The following PAX7 variants were observed in gnomAD, a reference collection of about 807,000 sequenced individuals.
PAX7 encodes paired box 7.
A neutral mutation model predicts 50.7 loss-of-function variants in PAX7; 18 were observed. That is an observed-to-expected ratio of 0.36 (90% CI 0.25 to 0.53). PAX7 has a LOEUF of 0.53. Among genes scored for constraint, PAX7 ranks in the 20% least tolerant of loss-of-function variants. The pLI is 0.93. For missense variants in PAX7, 644 were observed against 702.9 expected, an observed-to-expected ratio of 0.92 and a Z score of 0.95; for synonymous variants, 310 against 290.4, an observed-to-expected ratio of 1.07 and a Z score of -0.69.
At chr1:18,679,508 C>G (rs1272963678) in intron 4 of PAX7, among the ~76,000 whole-genome samples, 1 of 152,154 alleles carries the variant, frequency 6.6e-6, no homozygotes, top group East Asian at 1.9e-4. Flanking sequence ...TGCTCTTTCC[C>G]CTCTGCTGAT....
chr1:18,678,993 G>A (rs1448146060), intron 4 of PAX7, among the ~76,000 whole-genome samples: 1 of 152,194 alleles, frequency 6.6e-6, no homozygotes, highest in Non-Finnish European at 1.5e-5. Flanking sequence ...TTTCACACCT[G>A]TAAAATGGGG....
intron 4 of PAX7, among the ~76,000 whole-genome samples, chr1:18,664,098 C>A (rs1178372053): frequency 6.6e-6 from 1 of 152,242 alleles, no homozygotes; most frequent in Non-Finnish European, 1.5e-5. Context: ...AAGATTGGGA[C>A]CTGGAGCTGA....
chr1:18,641,138 A>G (rs1370045927), intron 4 of PAX7, among the ~76,000 whole-genome samples: 1 of 152,290 alleles, frequency 6.6e-6, no homozygotes, highest in East Asian at 1.9e-4. Context: ...ACTGTTTGCT[A>G]GATAAACTCG....
At chr1:18,725,317 C>CCA (rs148441208) in intron 7 of PAX7, among the ~76,000 whole-genome samples, 54,998 of 138,518 alleles carry the variant, frequency 0.4, 12,514 homozygotes, top group Middle Eastern at 0.55. Flanking sequence ...CCCCCCGCCC[C>CCA]ACCAACACCG....
chr1:18,698,387 A>G (rs890450703), intron 5 of PAX7, among the ~76,000 whole-genome samples: 1 of 152,104 alleles, frequency 6.6e-6, no homozygotes, highest in African/African-American at 2.4e-5. Flanking sequence ...TGCATTCAGA[A>G]GGGAGATTGG....
At chr1:18,671,131 G>A (rs547021933) in intron 4 of PAX7, among the ~76,000 whole-genome samples, 72 of 152,302 alleles carry the variant, frequency 4.7e-4, no homozygotes, top group African/African-American at 1.7e-3. Flanking sequence ...AAGCTGTGGG[G>A]CAGGAAGGCA....
intron 4 of PAX7, among the ~76,000 whole-genome samples, chr1:18,667,538 C>T (rs1052351906): frequency 2.0e-5 from 3 of 151,908 alleles, no homozygotes; most frequent in Non-Finnish European, 2.9e-5. Context: ...AACTACGGAG[C>T]GCCAGGAGGA....
rs1416924724 is a variant in PAX7 at position 18,635,123 on chromosome 1, C to T, written c.334C>T (p.Pro112Ser). The T allele has an allele frequency of 6.2e-7, 1 of 1,613,756 alleles. No homozygotes were observed. Among genetic ancestry groups the T allele is most frequent in the Non-Finnish European group, 8.5e-7 (1 of 1,179,792 alleles). Residue 112 changes from proline to serine, a missense_variant, in exon 3 of 9, where the codon CCG becomes TCG. By Grantham distance (74) the Pro-to-Ser change is moderately conservative. Transcript: ENST00000420770. ...TCCACCTCTGAAGCAGGTGGCGACTCCGGATGTAGAGAAAAAGATTGAGGA... is the reference window on the plus strand; with the variant it reads ...TCCACCTCTGAAGCAGGTGGCGACTTCGGATGTAGAGAAAAAGATTGAGGA... ...GGSKPRQVAT[P>S]DVEKKIEEYK...
chr1:18,730,912 G>A (rs1255814309), intron 7 of PAX7, among the ~76,000 whole-genome samples: 12 of 151,896 alleles, frequency 7.9e-5, no homozygotes, highest in Non-Finnish European at 1.3e-4. Flanking sequence ...GGTTGGGGGT[G>A]GGGTAGGGGC....
intron 4 of PAX7, among the ~76,000 whole-genome samples, chr1:18,691,299 A>T (rs917751017): frequency 2.0e-5 from 3 of 152,104 alleles, no homozygotes; most frequent in Admixed American, 6.5e-5. Flanking sequence ...TAAAGTCAGG[A>T]TTATTGAGGT....
intron 4 of PAX7, among the ~76,000 whole-genome samples, chr1:18,663,869 G>A (rs2100211858): frequency 6.6e-6 from 1 of 152,352 alleles, no homozygotes; most frequent in South Asian, 2.1e-4. Flanking sequence ...CTTTAACATA[G>A]CCTTGAAGTT....
chr1:18,742,148 C>A, intron 8 of PAX7, among the ~76,000 whole-genome samples: 1 of 103,574 alleles, frequency 9.7e-6, no homozygotes, highest in Admixed American at 1.1e-4. Flanking sequence ...AATGAGGCTT[C>A]TTTTTTTTTT....
At chr1:18,688,243 A>G (rs558037671) in intron 4 of PAX7, among the ~76,000 whole-genome samples, 3 of 152,220 alleles carry the variant, frequency 2.0e-5, no homozygotes, top group African/African-American at 4.8e-5. Flanking sequence ...AACCATAAAA[A>G]CCATAAATAG....
chr1:18,723,763 A>G (rs1045630047), intron 7 of PAX7, among the ~76,000 whole-genome samples: 1 of 152,172 alleles, frequency 6.6e-6, no homozygotes, highest in Non-Finnish European at 1.5e-5. Context: ...TTTAATATGC[A>G]TAGCCAGGAT....
intron 7 of PAX7, among the ~76,000 whole-genome samples, chr1:18,714,263 C>G (rs2089390714): frequency 6.6e-6 from 1 of 150,636 alleles, no homozygotes; most frequent in Non-Finnish European, 1.5e-5. Context: ...TCTAGCTCCT[C>G]TACTTATTTG....
At chr1:18,664,618 C>T (rs1031345503) in intron 4 of PAX7, among the ~76,000 whole-genome samples, 1 of 152,128 alleles carries the variant, frequency 6.6e-6, no homozygotes, top group African/African-American at 2.4e-5. Flanking sequence ...ATGGGGAAAT[C>T]GAGAGGCTCA....
intron 8 of PAX7, among the ~76,000 whole-genome samples, chr1:18,739,427 A>G (rs192109826): frequency 1.3e-5 from 2 of 152,378 alleles, no homozygotes; most frequent in Admixed American, 1.3e-4. Flanking sequence ...AGATATAAAT[A>G]TACAAAATGT....
intron 7 of PAX7, among the ~76,000 whole-genome samples, chr1:18,713,872 A>G (rs781711230): frequency 2.7e-4 from 41 of 152,226 alleles, no homozygotes; most frequent in Non-Finnish European, 4.6e-4. Context: ...TAATTTAGGC[A>G]CATCGTGGAC....
In PAX7 at chr1:18,631,597, C is replaced by A. The variant is rs763731260; in HGVS notation, c.-7C>A. 8.7e-6 allele frequency: 14 copies of A among 1,611,102 alleles called. No homozygotes were observed. Among genetic ancestry groups the A allele is most frequent in the Admixed American group, 1.7e-5 (1 of 59,732 alleles). ...CGACTTTGGATTCGTCCCCGGCGTG[C>A]GCAAGAATGGCGGCCCTTCCCGGCA... On this transcript the variant is annotated 5_prime_UTR_variant, in exon 1 of 9. Transcript: ENST00000420770.
Sources: allele counts gnomAD v4.1 joint callset (sites outside exome capture counted in the v4.1 genomes callset), GRCh38; gene constraint gnomAD v4.1.1; transcripts MANE v1.5; gene names NCBI Gene and HGNC (gene_info 2026-07-23, HGNC 2026-07-21).